ZNF722: variants seen among roughly 807,000 people sequenced by gnomAD.
ZNF722 encodes the protein zinc finger protein 722.
the ZNF722 span, among the ~76,000 whole-genome samples, chr7:64,004,707 C>G: frequency 6.6e-6 from 1 of 152,070 alleles, no homozygotes; most frequent in East Asian, 1.9e-4. Flanking sequence ...AATCTGGAAT[C>G]TGTCCTTTCT....
chr7:64,010,173 G>A, the ZNF722 span, among the ~76,000 whole-genome samples: 1 of 151,734 alleles, frequency 6.6e-6, no homozygotes, highest in African/African-American at 2.4e-5. Context: ...ATCAATTTTG[G>A]TGATCTGTTC....
chr7:64,015,305 TG>T, the ZNF722 span: 1 of 1,288,278 alleles, frequency 7.8e-7, no homozygotes, highest in Non-Finnish European at 1.1e-6. Context: ...CAAGATATAC[TG>T]GAAAGAAACA....
chr7:64,008,865 C>A, the ZNF722 span, among the ~76,000 whole-genome samples: 2 of 152,168 alleles, frequency 1.3e-5, no homozygotes, highest in African/African-American at 4.8e-5. Flanking sequence ...ATTCATTCTT[C>A]CTATCCATGA....
At chr7:64,008,947 A>G in the ZNF722 span, among the ~76,000 whole-genome samples, 4 of 152,180 alleles carry the variant, frequency 2.6e-5, no homozygotes, top group Non-Finnish European at 5.9e-5. Context: ...TTCTCCTTAA[A>G]GAGGTCCTTC....
chr7:64,011,931 G>A, the ZNF722 span, among the ~76,000 whole-genome samples: 1 of 151,962 alleles, frequency 6.6e-6, no homozygotes, highest in Non-Finnish European at 1.5e-5. Context: ...CATATTTCTT[G>A]GAGGCTTTGT....
the ZNF722 span, chr7:64,015,773 C>T: frequency 1.9e-6 from 3 of 1,612,268 alleles, no homozygotes; most frequent in East Asian, 6.7e-5. Context: ...CCTTTAACTG[C>T]TCCTCAACCC....
the ZNF722 span, among the ~76,000 whole-genome samples, chr7:64,000,356 C>T: frequency 2.0e-5 from 3 of 148,208 alleles, no homozygotes; most frequent in African/African-American, 5.0e-5. Flanking sequence ...CTTGAACTCC[C>T]GACCTCAGGT....
chr7:64,004,546 CA>C, the ZNF722 span, among the ~76,000 whole-genome samples: 1 of 148,224 alleles, frequency 6.7e-6, no homozygotes. Context: ...GCACATAATA[CA>C]AATGTGTCCT....
chr7:64,015,793 A>G, the ZNF722 span: 2 of 1,611,740 alleles, frequency 1.2e-6, no homozygotes, highest in Non-Finnish European at 1.7e-6. Flanking sequence ...CTTAAGACAC[A>G]TAAGAGAATT....
chr7:64,006,114 C>T, the ZNF722 span: 1 of 635,258 alleles, frequency 1.6e-6, no homozygotes, highest in African/African-American at 1.9e-5. Flanking sequence ...TATGAATCAA[C>T]TTTAATTTTC....
chr7:64,015,051 G>T, the ZNF722 span: 1 of 1,348,062 alleles, frequency 7.4e-7, no homozygotes, highest in East Asian at 2.3e-5. Context: ...TTTCACCCAA[G>T]ACCTTCATCC....
the ZNF722 span, chr7:63,998,867 T>C: frequency 2.9e-6 from 4 of 1,392,282 alleles, no homozygotes; most frequent in Non-Finnish European, 4.0e-6. Context: ...CTTCTCTGCG[T>C]CCCGAGCTCC....
chr7:64,003,098 C>G, the ZNF722 span, among the ~76,000 whole-genome samples: 1 of 152,176 alleles, frequency 6.6e-6, no homozygotes, highest in Non-Finnish European at 1.5e-5. Context: ...GTTCAAGATA[C>G]ATTCAGGAGA....
At chr7:64,012,763 A>T in the ZNF722 span, among the ~76,000 whole-genome samples, 1 of 151,522 alleles carries the variant, frequency 6.6e-6, no homozygotes, top group South Asian at 2.1e-4. Context: ...ATGCCCTCCA[A>T]ATCCCATATT....
the ZNF722 span, among the ~76,000 whole-genome samples, chr7:64,008,095 A>AT: frequency 5.9e-5 from 9 of 151,580 alleles, no homozygotes; most frequent in South Asian, 2.1e-4. Context: ...GGGTTGTTTG[A>AT]TTTTTTCTTG....
chr7:64,004,425 A>AAAAAAAAAT, the ZNF722 span, among the ~76,000 whole-genome samples: 12 of 61,122 alleles, frequency 2.0e-4, no homozygotes, highest in Non-Finnish European at 3.0e-4. Context: ...AAAAAAAAAA[A>AAAAAAAAAT]ATATATATAT....
At chr7:64,009,614 C>G in the ZNF722 span, among the ~76,000 whole-genome samples, 2 of 152,112 alleles carry the variant, frequency 1.3e-5, no homozygotes, top group African/African-American at 2.4e-5. Context: ...GGTGGATAAG[C>G]TTTTTGATGT....
chr7:64,011,131 A>G, the ZNF722 span, among the ~76,000 whole-genome samples: 2 of 151,238 alleles, frequency 1.3e-5, no homozygotes, highest in African/African-American at 4.9e-5. Flanking sequence ...TTTATTTTGA[A>G]CCTATGGATG....
chr7:64,007,732 A>T, the ZNF722 span, among the ~76,000 whole-genome samples: 1 of 152,132 alleles, frequency 6.6e-6, no homozygotes, highest in Admixed American at 6.6e-5. Flanking sequence ...TAGTAGCATG[A>T]TTTATAATCC....
Sources: allele counts gnomAD v4.1 joint callset (sites outside exome capture counted in the v4.1 genomes callset), GRCh38; gene constraint gnomAD v4.1.1; transcripts MANE v1.5; gene names NCBI Gene and HGNC (gene_info 2026-07-23, HGNC 2026-07-21).